RPS6KC1: variants seen among roughly 807,000 people sequenced by gnomAD.
RPS6KC1 encodes ribosomal protein S6 kinase C1, also known as inactive ribosomal protein S6 kinase delta-1.
A neutral mutation model predicts 103.8 loss-of-function variants in RPS6KC1; 54 were observed. That is an observed-to-expected ratio of 0.52 (90% CI 0.42 to 0.65). The LOEUF is 0.65. Among genes scored for constraint, RPS6KC1 ranks in the 30% least tolerant of loss-of-function variants. RPS6KC1 has a pLI of 0.00. For synonymous variants in RPS6KC1, 439 were observed against 438.7 expected, an observed-to-expected ratio of 1.00 and a Z score of -0.01; for missense variants, 1,151 against 1,253.8, an observed-to-expected ratio of 0.92 and a Z score of 1.24.
At chr1:213,234,154 C>T (rs1310114289) in intron 10 of RPS6KC1, among the ~76,000 whole-genome samples, 1 of 151,712 alleles carries the variant, frequency 6.6e-6, no homozygotes, top group Non-Finnish European at 1.5e-5. Context: ...GGATTACATG[C>T]GTGCACCACC....
chr1:213,694,440 C>G, the RPS6KC1 span, among the ~76,000 whole-genome samples: 1 of 152,190 alleles, frequency 6.6e-6, no homozygotes, highest in Admixed American at 6.5e-5. Flanking sequence ...TTTCCCCCAG[C>G]CTTTTCTCCT....
At chr1:213,828,744 A>C in the RPS6KC1 span, among the ~76,000 whole-genome samples, 1 of 152,220 alleles carries the variant, frequency 6.6e-6, no homozygotes, top group Non-Finnish European at 1.5e-5. Context: ...ACTTGCCCGA[A>C]GTCACAGAGC....
the RPS6KC1 span, among the ~76,000 whole-genome samples, chr1:213,772,991 A>G: frequency 3.3e-5 from 5 of 152,058 alleles, no homozygotes; most frequent in Non-Finnish European, 4.4e-5. Context: ...GCCGATGGGT[A>G]ACTTTTGTTG....
At chr1:213,283,564 T>G in the RPS6KC1 span, among the ~76,000 whole-genome samples, 1 of 152,114 alleles carries the variant, frequency 6.6e-6, no homozygotes, top group East Asian at 1.9e-4. Flanking sequence ...GTGGCCCAAT[T>G]TGAGAGCAGC....
chr1:213,780,443 CA>C, the RPS6KC1 span, among the ~76,000 whole-genome samples: 1 of 152,126 alleles, frequency 6.6e-6, no homozygotes. Context: ...TAATGCTACC[CA>C]AATAGGAGAT....
rs12064577 is a variant in RPS6KC1, at chr1:213,208,983, T to C, written c.1045-21514T>C. On this transcript the variant is annotated intron_variant, in intron 8 of 14. Coordinates refer to ENST00000366960, the MANE Select transcript of RPS6KC1 (RefSeq NM_012424.6). ...AAGTTTGAACTTCAAGCTAAGCCTATAAAGTTCTTTGTGATCTAGTCCTTC... is the reference window on the plus strand; with the variant it reads ...AAGTTTGAACTTCAAGCTAAGCCTACAAAGTTCTTTGTGATCTAGTCCTTC... 7.0e-3 allele frequency among the ~76,000 whole-genome samples: 1,065 copies of C among 152,126 alleles called. 14 individuals are homozygous for C. The highest frequency in any genetic ancestry group is 0.024 in the African/African-American group (1,009 of 41,476).
At chr1:213,575,454 G>T in the RPS6KC1 span, among the ~76,000 whole-genome samples, 2 of 152,150 alleles carry the variant, frequency 1.3e-5, no homozygotes, top group Non-Finnish European at 2.9e-5. Context: ...AATCATGGGG[G>T]CGGTTACCCC....
At chr1:213,127,563 A>G (rs1392415680) in intron 5 of RPS6KC1, among the ~76,000 whole-genome samples, 1 of 152,192 alleles carries the variant, frequency 6.6e-6, no homozygotes, top group Non-Finnish European at 1.5e-5. Context: ...TTTGCTTGAA[A>G]GAACAATTAA....
the RPS6KC1 span, among the ~76,000 whole-genome samples, chr1:213,703,705 C>T: frequency 6.6e-6 from 1 of 152,166 alleles, no homozygotes. Flanking sequence ...AAGTCTGCTG[C>T]TCCATTGTAT....
the RPS6KC1 span, among the ~76,000 whole-genome samples, chr1:213,340,472 G>A: frequency 8.5e-5 from 13 of 152,134 alleles, no homozygotes; most frequent in Non-Finnish European, 1.8e-4. Flanking sequence ...CAAGTCTTGC[G>A]TAAAGATGCA....
chr1:213,132,118 G>A (rs1053616160), intron 6 of RPS6KC1, among the ~76,000 whole-genome samples: 2 of 152,168 alleles, frequency 1.3e-5, no homozygotes, highest in African/African-American at 4.8e-5. Flanking sequence ...TAGTTACTTT[G>A]CTGATTATGG....
At chr1:213,257,786 CTTTTTTTTTTTTTTTTTTTTTT>C (rs71147062) in intron 12 of RPS6KC1, among the ~76,000 whole-genome samples, 6 of 49,408 alleles carry the variant, frequency 1.2e-4, no homozygotes, top group African/African-American at 1.6e-4. Flanking sequence ...ACAGGTAAAA[CTTTTTTTTTTTTTTTTTTTTTT>C]TTTTTTTTTT....
chr1:213,377,011 AGTC>A, the RPS6KC1 span, among the ~76,000 whole-genome samples: 1 of 152,202 alleles, frequency 6.6e-6, no homozygotes, highest in South Asian at 2.1e-4. Flanking sequence ...ACCAAGTAAG[AGTC>A]GCCAAACCAC....
At chr1:213,716,189 G>C in the RPS6KC1 span, among the ~76,000 whole-genome samples, 14 of 151,988 alleles carry the variant, frequency 9.2e-5, no homozygotes, top group East Asian at 2.7e-3. Context: ...TGGATGCTCT[G>C]TGTGTGTGTG....
At chr1:213,254,540 A>G (rs1054498021) in intron 12 of RPS6KC1, among the ~76,000 whole-genome samples, 1 of 152,236 alleles carries the variant, frequency 6.6e-6, no homozygotes, top group Non-Finnish European at 1.5e-5. Context: ...AGAAAGGCTC[A>G]TGAGTGCTTT....
At chr1:213,557,916 G>A in the RPS6KC1 span, among the ~76,000 whole-genome samples, 1 of 152,110 alleles carries the variant, frequency 6.6e-6, no homozygotes, top group Non-Finnish European at 1.5e-5. Flanking sequence ...TTGTCAAGAG[G>A]TGCCCGTCAT....
At chr1:213,470,630 T>C in the RPS6KC1 span, among the ~76,000 whole-genome samples, 1 of 146,232 alleles carries the variant, frequency 6.8e-6, no homozygotes, top group African/African-American at 2.5e-5. Flanking sequence ...TTTTTTTTTT[T>C]TTTTTTAGAG....
At chr1:213,278,222 T>C (rs2095115863), downstream of RPS6KC1, among the ~76,000 whole-genome samples, 2 of 151,700 alleles carry the variant, frequency 1.3e-5, no homozygotes, top group African/African-American at 4.8e-5. Flanking sequence ...AAAAAAATCT[T>C]CCTAAAGTTT....
the RPS6KC1 span, among the ~76,000 whole-genome samples, chr1:213,518,673 C>T: frequency 1.3e-5 from 2 of 152,200 alleles, no homozygotes; most frequent in African/African-American, 4.8e-5. Context: ...TTAATGTTAA[C>T]TTTTATAAAT....
Sources: gnomAD v4.1 joint callset for allele counts (sites outside exome capture counted in the v4.1 genomes callset) on GRCh38, gnomAD v4.1.1 for gene constraint, MANE v1.5 for transcripts, NCBI Gene and HGNC (gene_info 2026-07-23, HGNC 2026-07-21) for gene names.